CACNA1C: variants seen among roughly 807,000 people sequenced by gnomAD.
The protein encoded by CACNA1C is voltage-dependent L-type calcium channel subunit alpha-1C.
Under a neutral mutation model 229.0 loss-of-function variants are expected in CACNA1C, and 30 were observed. That is an observed-to-expected ratio of 0.13 (90% CI 0.10 to 0.18). CACNA1C has a LOEUF of 0.18. Among genes scored for constraint, CACNA1C ranks in the 10% least tolerant of loss-of-function variants. The probability of loss-of-function intolerance (pLI) is 1.00; values close to 1 mark genes in which losing one functional copy is unlikely to be tolerated. For missense variants in CACNA1C, 1,658 were observed against 2,845.0 expected (o/e 0.58, Z 9.49); for synonymous variants, 1,114 against 1,132.5 (o/e 0.98, Z 0.33).
chr12:2,231,921 T>G (rs923297388), intron 3 of CACNA1C, among the ~76,000 whole-genome samples: 38 of 152,342 alleles, frequency 2.5e-4, no homozygotes, highest in African/African-American at 9.1e-4. Flanking sequence ...TCTTTTTATT[T>G]TTTTTTACAT....
intron 3 of CACNA1C, among the ~76,000 whole-genome samples, chr12:2,341,036 G>T (rs185499174): frequency 1.3e-5 from 2 of 152,330 alleles, no homozygotes; most frequent in African/African-American, 4.8e-5. Context: ...TCCCTAGGGG[G>T]AGTGGACATG....
rs150739951 is a variant in CACNA1C at position 2,098,776 on chromosome 12, G to A, written c.50-16448G>A. ...TTCATTGAAATGAGGTTCTTCTTGCGTGCCCCGAGGCTTTATCTCTGGAAT... is the reference window on the plus strand; with the variant it reads ...TTCATTGAAATGAGGTTCTTCTTGCATGCCCCGAGGCTTTATCTCTGGAAT... On this transcript the variant is annotated intron_variant, in intron 1 of 46. Coordinates refer to ENST00000399655, the MANE Select transcript of CACNA1C (RefSeq NM_000719.7). Among the ~76,000 whole-genome samples the A allele has an allele frequency of 2.4e-4, 37 of 152,264 alleles. 1 individual carries two copies. The highest frequency in any genetic ancestry group is 3.4e-3 in the Middle Eastern group (1 of 294).
intron 3 of CACNA1C, among the ~76,000 whole-genome samples, chr12:2,402,974 T>G (rs1202840340): frequency 6.6e-6 from 1 of 152,230 alleles, no homozygotes; most frequent in Non-Finnish European, 1.5e-5. Flanking sequence ...TTTGCTTTTG[T>G]TTTTGGGTAG....
At position 2,607,098 on chromosome 12, in the gene CACNA1C, C is replaced by T; in HGVS notation, c.3324C>T (p.Leu1108=). Residue 1108 remains leucine, a synonymous_variant, in exon 26 of 47, where the codon CTC becomes CTT. Transcript: ENST00000399655. ...FDNVLAAMMA[L]FTVSTFEGWP... ...ATGTTCTGGCAGCCATGATGGCCCT[C>T]TTCACCGTCTCCACCTTCGAAGGGT... 1 of 1,613,858 alleles carries T rather than the reference C, an allele frequency of 6.2e-7. No individual in the cohort carries two copies. Among genetic ancestry groups the T allele is most frequent in the Non-Finnish European group, 8.5e-7 (1 of 1,179,840 alleles).
chr12:2,653,812 G>A lies in CACNA1C; in HGVS notation c.4075-23G>A. 1 of 1,610,912 alleles carries A rather than the reference G, an allele frequency of 6.2e-7. No homozygotes were observed. Among genetic ancestry groups the A allele is most frequent in the Admixed American group, 1.7e-5 (1 of 59,976 alleles). On this transcript the variant is annotated intron_variant, in intron 32 of 46. Transcript: ENST00000399655. This position sits in a 1 kb window ranked among gnomAD's most constrained non-coding sequence, Gnocchi z 4.7. Reference sequence around the variant, plus strand: ...TGGCCTCTGCACTCCAGCCTCATGGGAGTCTCCTGCACTTCCTTCCAGGCC... The same window carrying A: ...TGGCCTCTGCACTCCAGCCTCATGGAAGTCTCCTGCACTTCCTTCCAGGCC...
intron 3 of CACNA1C, among the ~76,000 whole-genome samples, chr12:2,441,569 G>A (rs941367457): frequency 2.0e-5 from 3 of 152,220 alleles, no homozygotes; most frequent in African/African-American, 7.2e-5. Flanking sequence ...GCCTTTGGCA[G>A]AAATGCACAC....
intron 3 of CACNA1C, among the ~76,000 whole-genome samples, chr12:2,135,993 G>A (rs1484387283): frequency 6.6e-6 from 1 of 150,576 alleles, no homozygotes; most frequent in Non-Finnish European, 1.5e-5. Flanking sequence ...AGCCAGGTGT[G>A]GGATATAGTC....
chr12:2,218,807 G>A (rs1408313030), intron 3 of CACNA1C, among the ~76,000 whole-genome samples: 2 of 152,174 alleles, frequency 1.3e-5, no homozygotes, highest in Non-Finnish European at 2.9e-5. Flanking sequence ...TGCACGTAGG[G>A]GTCTGATCAT....
At chr12:2,386,548 C>T (rs1435486675) in intron 3 of CACNA1C, among the ~76,000 whole-genome samples, 1 of 152,176 alleles carries the variant, frequency 6.6e-6, no homozygotes, top group Admixed American at 6.5e-5. Flanking sequence ...TCCTTGTCTG[C>T]CTGGCAAGCA....
chr12:2,078,732 G>T (rs2064205677), intron 1 of CACNA1C, among the ~76,000 whole-genome samples: 1 of 152,036 alleles, frequency 6.6e-6, no homozygotes, highest in African/African-American at 2.4e-5. Context: ...GATTCCTCAG[G>T]GATCTAGAAC....
intron 1 of CACNA1C, among the ~76,000 whole-genome samples, chr12:1,997,388 C>T (rs577819455): frequency 3.9e-5 from 6 of 152,258 alleles, no homozygotes; most frequent in African/African-American, 2.4e-5. Context: ...GGCGTGGTGG[C>T]GCATGCCTGT....
At chr12:2,246,664 A>G (rs1365073065) in intron 3 of CACNA1C, among the ~76,000 whole-genome samples, 1 of 152,112 alleles carries the variant, frequency 6.6e-6, no homozygotes, top group Non-Finnish European at 1.5e-5. Context: ...CTGTGGTGAG[A>G]ACCCAGCCAG....
At position 2,488,826 on chromosome 12, in the gene CACNA1C, G is replaced by A. The variant is rs900029566; in HGVS notation, c.916+2564G>A. 4.6e-5 allele frequency among the ~76,000 whole-genome samples: 7 copies of A among 152,340 alleles called. No individual in the cohort carries two copies. The highest frequency in any genetic ancestry group is 7.3e-5 in the Non-Finnish European group (5 of 68,036). On this transcript the variant is annotated intron_variant, in intron 6 of 46. Transcript: ENST00000399655. The surrounding 1 kb of genome is among the most constrained non-coding windows in gnomAD (Gnocchi z 4.0). ...AGAAGCCTGTCCTCTCAAATACTCT[G>A]CAATCAGGAGCTTGCTGTCCCTTCG...
chr12:2,226,566 C>T (rs934722782), intron 3 of CACNA1C, among the ~76,000 whole-genome samples: 1 of 152,226 alleles, frequency 6.6e-6, no homozygotes. Context: ...CTCCATATCT[C>T]ATGTTTTTAA....
intron 3 of CACNA1C, among the ~76,000 whole-genome samples, chr12:2,331,223 T>G (rs2096536433): frequency 6.6e-6 from 1 of 152,210 alleles, no homozygotes; most frequent in African/African-American, 2.4e-5. Flanking sequence ...TTATATTTAT[T>G]CATCTATATC....
chr12:2,494,836 C>T (rs2099743467), intron 7 of CACNA1C, among the ~76,000 whole-genome samples: 1 of 152,268 alleles, frequency 6.6e-6, no homozygotes, highest in Admixed American at 6.5e-5. Flanking sequence ...GTCCCTCCCT[C>T]TGTAAGTGAC....
At chr12:2,385,180 C>T (rs1328134974) in intron 3 of CACNA1C, among the ~76,000 whole-genome samples, 2 of 152,126 alleles carry the variant, frequency 1.3e-5, no homozygotes, top group Non-Finnish European at 2.9e-5. Flanking sequence ...TGAGCAAATG[C>T]CAGTGTGATG....
rs761085592 is a variant in CACNA1C, at chr12:2,147,059, A to G, written c.477+26629A>G. Reference sequence around the variant, plus strand: ...GCAAATCAATGTCACTCTAAGTCATATCTCCATACTAGCTCTATCCTTTCT... The same window carrying G: ...GCAAATCAATGTCACTCTAAGTCATGTCTCCATACTAGCTCTATCCTTTCT... On this transcript the variant is annotated intron_variant, in intron 3 of 46. Coordinates refer to ENST00000399655, the MANE Select transcript of CACNA1C (RefSeq NM_000719.7). 7.9e-5 allele frequency among the ~76,000 whole-genome samples: 12 copies of G among 151,198 alleles called. 1 individual carries two copies. The highest frequency in any genetic ancestry group is 2.7e-4 in the Admixed American group (4 of 15,020).
At chr12:2,548,843 T>G (rs1333919898) in intron 9 of CACNA1C, among the ~76,000 whole-genome samples, 1 of 152,146 alleles carries the variant, frequency 6.6e-6, no homozygotes, top group South Asian at 2.1e-4. Context: ...GGCCACTCCC[T>G]CAACTAACAG....
Sources: gnomAD v4.1 joint callset for allele counts (sites outside exome capture counted in the v4.1 genomes callset) on GRCh38, gnomAD v4.1.1 for gene constraint, Gnocchi (gnomAD v3.1) non-coding constraint, MANE v1.5 for transcripts, NCBI Gene and HGNC (gene_info 2026-07-23, HGNC 2026-07-21) for gene names.